The following NALCN variants were observed in gnomAD, a reference collection of about 807,000 sequenced individuals.
NALCN encodes the protein sodium leak channel NALCN.
A neutral mutation model predicts 225.3 loss-of-function variants in NALCN; 111 were observed. The ratio of observed to expected loss-of-function variants is 0.49; its 90% CI spans 0.42 to 0.58. The LOEUF (loss-of-function observed/expected upper bound fraction) is 0.58. Among genes scored for constraint, NALCN ranks in the 20% least tolerant of loss-of-function variants. The probability of loss-of-function intolerance (pLI) is 0.00; values close to 1 mark genes in which losing one functional copy is unlikely to be tolerated. For missense variants in NALCN, 1,378 were observed against 2,202.4 expected (o/e 0.63, Z 7.49); for synonymous variants, 764 against 769.0 (o/e 0.99, Z 0.11).
At chr13:101,226,509 A>C (rs950295406) in intron 13 of NALCN, among the ~76,000 whole-genome samples, 5 of 152,202 alleles carry the variant, frequency 3.3e-5, no homozygotes, top group Admixed American at 3.3e-4. Context: ...TTCCCATGGA[A>C]AAGATGGCCA....
At chr13:101,338,187 T>A (rs1026894432) in intron 7 of NALCN, among the ~76,000 whole-genome samples, 1 of 152,236 alleles carries the variant, frequency 6.6e-6, no homozygotes, top group African/African-American at 2.4e-5. Context: ...GGCAAAGTGA[T>A]CCACCATATA....
At chr13:101,145,686 G>A (rs752227101) in intron 15 of NALCN, among the ~76,000 whole-genome samples, 1 of 152,058 alleles carries the variant, frequency 6.6e-6, no homozygotes, top group Non-Finnish European at 1.5e-5. Context: ...TCCCAGTGCC[G>A]ACGTCTCTTG....
chr13:101,256,120 G>A (rs929486354), intron 11 of NALCN, among the ~76,000 whole-genome samples: 1 of 151,980 alleles, frequency 6.6e-6, no homozygotes, highest in Non-Finnish European at 1.5e-5. Context: ...CCATCAATAT[G>A]TTTAAGCCAC....
intron 1 of NALCN, among the ~76,000 whole-genome samples, chr13:101,402,724 G>A (rs1040413311): frequency 6.6e-6 from 1 of 152,088 alleles, no homozygotes; most frequent in African/African-American, 2.4e-5. Context: ...GAGAGGTATC[G>A]GTGCTGCTTC....
chr13:101,284,330 T>C (rs2043267882), intron 9 of NALCN, among the ~76,000 whole-genome samples: 1 of 152,246 alleles, frequency 6.6e-6, no homozygotes, highest in East Asian at 1.9e-4. Flanking sequence ...TTATCCCCAT[T>C]ATATTGATAA....
intron 14 of NALCN, among the ~76,000 whole-genome samples, chr13:101,183,706 C>T (rs1371379805): frequency 6.6e-6 from 1 of 152,076 alleles, no homozygotes; most frequent in Non-Finnish European, 1.5e-5. Context: ...GTGATCCACC[C>T]GCCTCGGCCT....
At chr13:101,107,069 A>G (rs980020362) in intron 22 of NALCN, among the ~76,000 whole-genome samples, 2 of 152,198 alleles carry the variant, frequency 1.3e-5, no homozygotes, top group Non-Finnish European at 2.9e-5. Flanking sequence ...ACTTTACGTT[A>G]TTCTCCAAAA....
rs1404140498 is a variant in NALCN at position 101,055,290 on chromosome 13, T to C, written c.*5A>G. 2.5e-6 allele frequency: 4 copies of C among 1,608,868 alleles called. No individual in the cohort carries two copies. The Admixed American group carries it at 5.0e-5, about 20-fold the overall frequency. On this transcript the variant is annotated 3_prime_UTR_variant, in exon 44 of 44. Transcript: ENST00000251127. ...CACTAGAAATTCATCTACATTGACA[T>C]CCACCTAAATATCCAGAAGGTCATC... is the stretch of plus-strand genomic sequence containing the variant.
At chr13:101,125,439 G>A (rs1242076141) in intron 17 of NALCN, among the ~76,000 whole-genome samples, 4 of 152,206 alleles carry the variant, frequency 2.6e-5, no homozygotes, top group African/African-American at 7.2e-5. Flanking sequence ...TAGTCAGACT[G>A]AAGATAGTAA....
intron 13 of NALCN, among the ~76,000 whole-genome samples, chr13:101,194,284 C>T (rs1027803838): frequency 2.6e-5 from 4 of 152,142 alleles, no homozygotes; most frequent in African/African-American, 9.7e-5. Context: ...GCTCAACCAC[C>T]TGAAAGCTCA....
intron 6 of NALCN, among the ~76,000 whole-genome samples, chr13:101,373,924 A>G (rs1181675294): frequency 6.6e-6 from 1 of 152,134 alleles, no homozygotes; most frequent in African/African-American, 2.4e-5. Flanking sequence ...TATATAATAA[A>G]TATGTAAAGA....
intron 32 of NALCN, 48 bp from the exon 33 acceptor site, chr13:101,082,931 A>G: frequency 1.2e-6 from 2 of 1,606,908 alleles, no homozygotes; most frequent in East Asian, 2.2e-5. Flanking sequence ...CATCGGACAC[A>G]TACAGGCTTG....
chr13:101,061,928 C>T (rs779419134), intron 41 of NALCN, 40 bp downstream of exon 41: 20 of 1,063,718 alleles, frequency 1.9e-5, no homozygotes, highest in South Asian at 1.0e-4. Context: ...CAGGGCGGGG[C>T]GGGGCGGGGA....
At chr13:101,333,877 G>T (rs976483954) in intron 7 of NALCN, among the ~76,000 whole-genome samples, 2 of 152,194 alleles carry the variant, frequency 1.3e-5, no homozygotes, top group African/African-American at 4.8e-5. Context: ...TTTCACGTGA[G>T]TATCTGGCTT....
intron 34 of NALCN, 33 bp from the exon 35 acceptor site, chr13:101,075,974 T>G (rs1176011501): frequency 6.3e-7 from 1 of 1,587,462 alleles, no homozygotes; most frequent in African/African-American, 1.4e-5. Context: ...CTTCTCATAA[T>G]TTGCACAAAA....
At chr13:101,298,462 C>A (rs1237276159) in intron 7 of NALCN, among the ~76,000 whole-genome samples, 1 of 152,070 alleles carries the variant, frequency 6.6e-6, no homozygotes, top group Non-Finnish European at 1.5e-5. Context: ...GCTGGGACTA[C>A]AGGCACATGC....
chr13:101,372,934 T>TA (rs201641366), intron 6 of NALCN: 2,165 of 196,898 alleles, frequency 0.011, 19 homozygotes, highest in Middle Eastern at 0.018. Flanking sequence ...TGAGAAGACA[T>TA]AAAAAAATGG....
intron 13 of NALCN, among the ~76,000 whole-genome samples, chr13:101,213,580 A>G (rs147568636): frequency 0.039 from 5,937 of 152,000 alleles, 373 homozygotes; most frequent in African/African-American, 0.14. Flanking sequence ...GAATCTACAA[A>G]GAACTTAAAT....
chr13:101,277,745 T>C (rs1338029559), intron 10 of NALCN, among the ~76,000 whole-genome samples: 1 of 152,140 alleles, frequency 6.6e-6, no homozygotes, highest in African/African-American at 2.4e-5. Flanking sequence ...CACGATAGAG[T>C]CACGGACAAA....
Sources: gnomAD v4.1 joint callset for allele counts (sites outside exome capture counted in the v4.1 genomes callset) on GRCh38, gnomAD v4.1.1 for gene constraint, MANE v1.5 for transcripts, NCBI Gene and HGNC (gene_info 2026-07-23, HGNC 2026-07-21) for gene names.